CNTN4: variants seen among roughly 807,000 people sequenced by gnomAD.
CNTN4 encodes contactin-4.
In CNTN4, 77 loss-of-function variants were observed where a neutral mutation model predicts 122.5. That is an observed-to-expected ratio of 0.63 (90% CI 0.52 to 0.76). The LOEUF is 0.76. Among genes scored for constraint, CNTN4 ranks in the 30% least tolerant of loss-of-function variants. The probability of loss-of-function intolerance (pLI) is 0.00; values close to 1 mark genes in which losing one functional copy is unlikely to be tolerated. For missense variants in CNTN4, 1,256 were observed against 1,259.1 expected (o/e 1.00, Z 0.04); for synonymous variants, 512 against 447.0 (o/e 1.15, Z -1.83).
At chr3:2,220,714 G>A (rs1413338690) in intron 2 of CNTN4, among the ~76,000 whole-genome samples, 2 of 152,016 alleles carry the variant, frequency 1.3e-5, no homozygotes, top group Non-Finnish European at 2.9e-5. Context: ...GATAATAATT[G>A]CAAGGAGCTT....
At chr3:2,461,530 T>C (rs2049210256) in intron 3 of CNTN4, among the ~76,000 whole-genome samples, 1 of 152,162 alleles carries the variant, frequency 6.6e-6, no homozygotes, top group African/African-American at 2.4e-5. Context: ...CCCACCCACG[T>C]GGTCTGATTC....
chr3:2,411,179 G>A (rs980663274), intron 3 of CNTN4, among the ~76,000 whole-genome samples: 57 of 152,202 alleles, frequency 3.7e-4, no homozygotes, highest in Non-Finnish European at 1.9e-4. Flanking sequence ...CGGGGTCAGG[G>A]GCAGGATGAG....
At chr3:2,824,460 AAAAAC>A (rs1291588122) in intron 7 of CNTN4, among the ~76,000 whole-genome samples, 102 of 149,788 alleles carry the variant, frequency 6.8e-4, no homozygotes, top group African/African-American at 2.4e-3. Flanking sequence ...CTGGCTCAAA[AAAAAC>A]AAAAACAAAA....
At chr3:2,664,267 C>G (rs552122876) in intron 4 of CNTN4, among the ~76,000 whole-genome samples, 2 of 152,074 alleles carry the variant, frequency 1.3e-5, no homozygotes, top group Non-Finnish European at 2.9e-5. Context: ...TCTAAGCCAG[C>G]TTCTGGAGGC....
At chr3:2,784,305 C>T (rs73807936) in intron 6 of CNTN4, among the ~76,000 whole-genome samples, 3,179 of 152,192 alleles carry the variant, frequency 0.021, 114 homozygotes, top group African/African-American at 0.073. Flanking sequence ...GTTTTGAAAA[C>T]AATTTAATCA....
intron 4 of CNTN4, among the ~76,000 whole-genome samples, chr3:2,673,340 C>A (rs1387533285): frequency 6.6e-6 from 1 of 152,142 alleles, no homozygotes; most frequent in Non-Finnish European, 1.5e-5. Context: ...CCAACTAGAT[C>A]GCTCTTGCAG....
intron 7 of CNTN4, among the ~76,000 whole-genome samples, chr3:2,853,407 G>A (rs535563119): frequency 6.6e-6 from 1 of 152,158 alleles, no homozygotes; most frequent in African/African-American, 2.4e-5. Context: ...ACCACGCCCA[G>A]CTCATTTTTG....
intron 13 of CNTN4, among the ~76,000 whole-genome samples, chr3:2,944,934 C>T (rs1223544599): frequency 6.6e-6 from 1 of 152,142 alleles, no homozygotes; most frequent in Non-Finnish European, 1.5e-5. Context: ...GCTCAGATAG[C>T]CCTTCAGAAT....
intron 4 of CNTN4, among the ~76,000 whole-genome samples, chr3:2,637,702 C>T (rs561020052): frequency 5.3e-5 from 8 of 152,234 alleles, no homozygotes. Flanking sequence ...CCTATAAAGC[C>T]TGTATGTTTT....
intron 3 of CNTN4, among the ~76,000 whole-genome samples, chr3:2,540,836 TAGAG>T (rs2078003342): frequency 6.6e-6 from 1 of 152,042 alleles, no homozygotes; most frequent in Non-Finnish European, 1.5e-5. Context: ...TGCCAATTAA[TAGAG>T]AGGAGATAAA....
intron 14 of CNTN4, among the ~76,000 whole-genome samples, chr3:3,019,805 C>CGT (rs1698129172): frequency 6.6e-5 from 9 of 135,946 alleles, no homozygotes; most frequent in Non-Finnish European, 9.5e-5. Flanking sequence ...TATACACATG[C>CGT]ATATATATAT....
At chr3:2,916,774 C>T (rs913845015) in intron 12 of CNTN4, among the ~76,000 whole-genome samples, 10 of 147,172 alleles carry the variant, frequency 6.8e-5, no homozygotes, top group Admixed American at 2.0e-4. Context: ...CCAGTAGGGG[C>T]GGCCGGGCAG....
chr3:2,102,110 G>C (rs1278213157), intron 2 of CNTN4, among the ~76,000 whole-genome samples: 1 of 152,206 alleles, frequency 6.6e-6, no homozygotes, highest in African/African-American at 2.4e-5. Context: ...AGACATACAG[G>C]TGAATTTTAA....
intron 7 of CNTN4, among the ~76,000 whole-genome samples, chr3:2,864,354 C>G (rs376936817): frequency 6.6e-6 from 1 of 152,206 alleles, no homozygotes; most frequent in Admixed American, 6.5e-5. Context: ...TATCGACTTT[C>G]TGGTTGCTAA....
At chr3:2,387,570 A>C (rs897798264) in intron 3 of CNTN4, among the ~76,000 whole-genome samples, 1 of 152,184 alleles carries the variant, frequency 6.6e-6, no homozygotes, top group African/African-American at 2.4e-5. Flanking sequence ...AATACATAGA[A>C]GAATATTTAA....
chr3:2,653,546 A>G (rs1018037111), intron 4 of CNTN4, among the ~76,000 whole-genome samples: 8 of 152,226 alleles, frequency 5.3e-5, no homozygotes, highest in African/African-American at 1.9e-4. Flanking sequence ...CAAATCCCTG[A>G]CATTAAGTCA....
chr3:2,482,577 A>G lies in CNTN4; in HGVS notation c.-88-88839A>G, dbSNP rs181078536. On this transcript the variant is annotated intron_variant, in intron 3 of 24. Coordinates refer to ENST00000418658, the MANE Select transcript of CNTN4 (RefSeq NM_175607.3). ...CCTTCAGGACAGGCCCTCCCATGAC[A>G]GGCCCAGAGGCCTAGAAGGGAAATA... Among the ~76,000 whole-genome samples, 4 of 152,318 alleles carry G rather than the reference A, an allele frequency of 2.6e-5. No homozygotes were observed. In the East Asian group the frequency reaches 5.8e-4, roughly 22 times the overall value.
At chr3:2,792,906 T>G (rs911961325) in intron 6 of CNTN4, among the ~76,000 whole-genome samples, 6 of 152,224 alleles carry the variant, frequency 3.9e-5, no homozygotes, top group African/African-American at 1.4e-4. Flanking sequence ...GAAACATTCC[T>G]CTGATGAGTG....
At chr3:2,810,706 T>C (rs2092584350) in intron 6 of CNTN4, among the ~76,000 whole-genome samples, 1 of 152,258 alleles carries the variant, frequency 6.6e-6, no homozygotes, top group African/African-American at 2.4e-5. Flanking sequence ...ACTTACTTGT[T>C]AAGTGAAAGC....
Sources: gnomAD v4.1 joint callset for allele counts (sites outside exome capture counted in the v4.1 genomes callset) on GRCh38, gnomAD v4.1.1 for gene constraint, MANE v1.5 for transcripts, NCBI Gene and HGNC (gene_info 2026-07-23, HGNC 2026-07-21) for gene names.